The following PHF7 variants were observed in gnomAD, a reference collection of about 807,000 sequenced individuals.
PHF7 encodes PHD finger protein 7.
PHF7 carries 24 observed loss-of-function variants against 47.5 expected under a neutral mutation model. The ratio of observed to expected loss-of-function variants is 0.51; its 90% CI spans 0.37 to 0.71. The LOEUF is 0.71. PHF7 is among the 30% of genes least tolerant of loss of function. PHF7 has a pLI of 0.00. For synonymous variants in PHF7, 156 were observed against 153.8 expected, an observed-to-expected ratio of 1.01 and a Z score of -0.11; for missense variants, 361 against 456.8, an observed-to-expected ratio of 0.79 and a Z score of 1.91.
chr3:52,420,926 C>T lies in PHF7; in HGVS notation c.437C>T (p.Pro146Leu). Residue 146 changes from proline to leucine, a missense_variant, in exon 7 of 11, where the codon CCA becomes CTA. Transcript: ENST00000327906. ...EYKSFCDKHR[P>L]TQNIQHGHVG... ...AGATCATTTTGTGACAAACATCGCCCAACACAGAACATCCAACATGGGCAT... is the reference window on the plus strand; with the variant it reads ...AGATCATTTTGTGACAAACATCGCCTAACACAGAACATCCAACATGGGCAT... 1 of 1,611,488 alleles carries T rather than the reference C, an allele frequency of 6.2e-7. No homozygotes were observed. Among genetic ancestry groups the T allele is most frequent in the South Asian group, 1.1e-5 (1 of 90,688 alleles).
At position 52,423,410 on chromosome 3, in the gene PHF7, A is replaced by G. The variant is rs142163556; in HGVS notation, c.*93A>G. ...AGGGAGCACTCTGGGACTGTGAGAC[A>G]AGGAAGCAGGGCCAGCAGTGAGACT... On this transcript the variant is annotated 3_prime_UTR_variant, in exon 11 of 11. Transcript: ENST00000327906. The G allele has an allele frequency of 2.6e-6, 2 of 761,560 alleles. No individual in the cohort carries two copies. Among genetic ancestry groups the G allele is most frequent in the African/African-American group, 1.7e-5 (1 of 57,438 alleles). The allele number at this position is 761,560 out of a possible 1,614,324, so 47.2% of individuals were successfully genotyped here.
At position 52,422,358 on chromosome 3, in the gene PHF7, TAGAA is replaced by T. The variant is rs1705818428; in HGVS notation, c.797+24_797+27del. On this transcript the variant is annotated intron_variant, in intron 9 of 10. Transcript: ENST00000327906. ...TGAAGGGTAGGGGAAGGCTTCTGGC[TAGAA>T]AGAGCTCTCATCAGTGCTATCTTAG... The T allele has an allele frequency of 4.1e-6, 6 of 1,448,522 alleles. No homozygotes were observed. Among genetic ancestry groups the T allele is most frequent in the Non-Finnish European group, 5.8e-6 (6 of 1,028,898 alleles). The allele number at this position is 1,448,522 out of a possible 1,614,324, so 89.7% of individuals were successfully genotyped here.
rs758708267 is a variant in PHF7 at position 52,422,896 on chromosome 3, A to G, written c.919+15A>G. Reference sequence around the variant, plus strand: ...TGCAGCCACAGGTGAGGCTGGAGGGATGGGCCGGCCTCAGAGCAAGGAGGG... The same window carrying G: ...TGCAGCCACAGGTGAGGCTGGAGGGGTGGGCCGGCCTCAGAGCAAGGAGGG... On this transcript the variant is annotated intron_variant, in intron 10 of 10. Transcript: ENST00000327906. 2 of 1,613,884 alleles carry G rather than the reference A, an allele frequency of 1.2e-6. No individual in the cohort carries two copies. The highest frequency in any genetic ancestry group is 4.5e-5 in the East Asian group (2 of 44,874).
At chr3:52,416,991 C>T (rs1426537979) in intron 4 of PHF7, among the ~76,000 whole-genome samples, 1 of 149,200 alleles carries the variant, frequency 6.7e-6, no homozygotes, top group Non-Finnish European at 1.5e-5. Context: ...TTTCAAAGAA[C>T]AAGTTTGTAA....
At chr3:52,411,722 T>A (rs1705444890) in intron 1 of PHF7, among the ~76,000 whole-genome samples, 1 of 152,218 alleles carries the variant, frequency 6.6e-6, no homozygotes. Context: ...CTTTCAGGGA[T>A]CTCCCCGTTA....
chr3:52,412,849 A>G lies in PHF7; in HGVS notation c.-31A>G. ...TATTGTCCTCACAATAGTATAGAAG[A>G]ATTCAAGAGAGGAGAGAGAGACAGC... is the stretch of plus-strand genomic sequence containing the variant. On this transcript the variant is annotated 5_prime_UTR_variant, in exon 2 of 11. Coordinates refer to ENST00000327906, the MANE Select transcript of PHF7 (RefSeq NM_016483.7). The G allele has an allele frequency of 6.4e-7, 1 of 1,564,600 alleles. No individual in the cohort carries two copies. The highest frequency in any genetic ancestry group is 8.8e-7 in the Non-Finnish European group (1 of 1,136,494).
At chr3:52,412,965 G>A in intron 2 of PHF7, 45 bp downstream of exon 2, 1 of 1,480,914 alleles carries the variant, frequency 6.8e-7, no homozygotes, top group Non-Finnish European at 9.4e-7. Context: ...TTGTCCAATG[G>A]CCTGTGGTAT....
rs749174216 is a variant in PHF7 at position 52,411,146 on chromosome 3, A to G, written c.-171A>G. 4 of 152,244 alleles carry G rather than the reference A, an allele frequency of 2.6e-5. No homozygotes were observed. The highest frequency in any genetic ancestry group is 9.6e-5 in the African/African-American group (4 of 41,454). 9.4% of individuals were successfully genotyped at this position (152,244 alleles called of 1,614,324 possible). On this transcript the variant is annotated 5_prime_UTR_variant, in exon 1 of 11. Transcript: ENST00000327906. The stretch of plus-strand genomic sequence containing the variant: ...AGCCTCATTTGCAAAGCCACCCCTC[A>G]GATGTTTTGAAGATCGTGACGTCTT...
chr3:52,416,832 CA>C (rs55888689), intron 4 of PHF7, among the ~76,000 whole-genome samples: 87,894 of 118,968 alleles, frequency 0.74, 31,615 homozygotes, highest in East Asian at 0.95. Context: ...GACTCCGTCT[CA>C]AAAAAAAAAA....
Position 52,422,345 on chromosome 3 carries a change from G to C in PHF7, c.797+7G>C. 1.3e-6 allele frequency: 2 copies of C among 1,552,068 alleles called. No homozygotes were observed. Among genetic ancestry groups the C allele is most frequent in the Non-Finnish European group, 1.8e-6 (2 of 1,123,308 alleles). ...ACAGCTTTGAGGATGAAGGGTAGGG[G>C]AAGGCTTCTGGCTAGAAAGAGCTCT... On this transcript the variant is annotated splice_region_variant and intron_variant, in intron 9 of 10. Coordinates refer to ENST00000327906, the MANE Select transcript of PHF7 (RefSeq NM_016483.7).
At chr3:52,412,099 T>C (rs867848942) in intron 1 of PHF7, among the ~76,000 whole-genome samples, 1 of 152,034 alleles carries the variant, frequency 6.6e-6, no homozygotes, top group Non-Finnish European at 1.5e-5. Flanking sequence ...TCCCAGCTAC[T>C]TGGGAGGCTG....
chr3:52,416,376 G>A (rs1354607075), intron 4 of PHF7, among the ~76,000 whole-genome samples: 1 of 150,704 alleles, frequency 6.6e-6, no homozygotes, highest in African/African-American at 2.4e-5. Context: ...AGTAGAGACA[G>A]GGTTTCACCG....
chr3:52,422,746 G>T lies in PHF7; in HGVS notation c.798-14G>T. 16 of 1,613,898 alleles carry T rather than the reference G, an allele frequency of 9.9e-6. No homozygotes were observed. Among genetic ancestry groups the T allele is most frequent in the Non-Finnish European group, 1.4e-5 (16 of 1,179,870 alleles). Reference sequence around the variant, plus strand: ...CTGTATGTCTCCACAACCCTTCCTGGGCTCTTCCTCTAGGAGGTGGTGCCT... The same window carrying T: ...CTGTATGTCTCCACAACCCTTCCTGTGCTCTTCCTCTAGGAGGTGGTGCCT... On this transcript the variant is annotated splice_polypyrimidine_tract_variant and intron_variant, in intron 9 of 10. Transcript: ENST00000327906.
Position 52,423,216 on chromosome 3 carries a change from C to G in PHF7, c.1045C>G (p.Pro349Ala). 1.2e-6 allele frequency: 2 copies of G among 1,614,076 alleles called. No individual in the cohort carries two copies. Among genetic ancestry groups the G allele is most frequent in the African/African-American group, 1.3e-5 (1 of 75,052 alleles). The change falls in exon 11 of 11, where the codon CCT (proline) becomes GCT (alanine). Residue 349 changes from proline to alanine, a missense_variant. By Grantham distance (27) the Pro-to-Ala change is conservative (BLOSUM62 -1). Transcript: ENST00000327906. ...PGLSWTDWPE[P>A]SLLEKPESSR... is the part of the protein sequence containing the mutation. ...CCTTTCTTGGACTGATTGGCCAGAA[C>G]CTTCCTTATTAGAAAAGCCAGAGTC...
intron 6 of PHF7, 91 bp downstream of exon 6, chr3:52,420,526 C>G (rs1456078710): frequency 7.8e-7 from 1 of 1,277,056 alleles, no homozygotes; most frequent in Non-Finnish European, 1.1e-6. Flanking sequence ...ACAAGCAGGC[C>G]TGTTTTGATT....
In PHF7 at chr3:52,420,045, T is replaced by C. The variant is rs79070873; in HGVS notation, c.288+111T>C. ...TCCTAGTTTAGATGTCAAAGGACTC[T>C]TGGATTTTCCAACTAGTCCTTAAGT... On this transcript the variant is annotated intron_variant, in intron 5 of 10. Coordinates refer to ENST00000327906, the MANE Select transcript of PHF7 (RefSeq NM_016483.7). 6.5e-6 allele frequency: 5 copies of C among 771,366 alleles called. No individual in the cohort carries two copies. In the East Asian group the frequency reaches 8.0e-5, roughly 12 times the overall value. The allele number at this position is 771,366 out of a possible 1,614,324, so 47.8% of individuals were successfully genotyped here.
At chr3:52,412,282 T>C (rs1217961296) in intron 1 of PHF7, among the ~76,000 whole-genome samples, 1 of 152,198 alleles carries the variant, frequency 6.6e-6, no homozygotes, top group Non-Finnish European at 1.5e-5. Context: ...TTCTTGCTTT[T>C]AGGCAGCCCA....
intron 3 of PHF7, among the ~76,000 whole-genome samples, 198 bp from the exon 4 acceptor site, chr3:52,414,298 C>G (rs536330367): frequency 3.9e-5 from 6 of 152,298 alleles, no homozygotes; most frequent in Admixed American, 3.3e-4. Flanking sequence ...TTGTGGCCAA[C>G]TTTTTCATTG....
At chr3:52,421,779 C>A in intron 8 of PHF7, 25 bp downstream of exon 8, 1 of 1,272,398 alleles carries the variant, frequency 7.9e-7, no homozygotes, top group Non-Finnish European at 1.2e-6. Flanking sequence ...AAAGCAGGAA[C>A]TGAGCCAGGG....
Sources: gnomAD v4.1 joint callset for allele counts (sites outside exome capture counted in the v4.1 genomes callset) on GRCh38, gnomAD v4.1.1 for gene constraint, MANE v1.5 for transcripts, NCBI Gene and HGNC (gene_info 2026-07-23, HGNC 2026-07-21) for gene names.